The following CERS6 variants were observed in gnomAD, a reference collection of about 807,000 sequenced individuals.
CERS6 encodes the protein ceramide synthase 6, also known as LAG1 homolog, ceramide synthase 6.
A neutral mutation model predicts 56.8 loss-of-function variants in CERS6; 26 were observed. The observed-to-expected ratio is 0.46, with a 90% CI of 0.34 to 0.63. The LOEUF (loss-of-function observed/expected upper bound fraction) is 0.63. CERS6 is among the 30% of genes least tolerant of loss of function. The pLI is 0.01. For missense variants in CERS6, 415 were observed against 467.5 expected (o/e 0.89, Z 1.04); for synonymous variants, 164 against 173.3 (o/e 0.95, Z 0.42).
At chr2:168,620,902 A>C (rs565144179) in intron 3 of CERS6, among the ~76,000 whole-genome samples, 1 of 152,006 alleles carries the variant, frequency 6.6e-6, no homozygotes, top group African/African-American at 2.4e-5. Context: ...AGCTGGGATT[A>C]CAGGCACATG....
At chr2:168,659,015 T>G (rs571505627) in intron 4 of CERS6, among the ~76,000 whole-genome samples, 1 of 152,362 alleles carries the variant, frequency 6.6e-6, no homozygotes, top group South Asian at 2.1e-4. Flanking sequence ...AGTATCCTCT[T>G]TGTGAGGACT....
In CERS6 at chr2:168,759,249, TCATTCATTTGATGGGATGCC is replaced by T. The variant is rs779044173; in HGVS notation, c.846-6325_846-6306del. ...GAAAAAAGGTCAGACTGATGCCTCTTCATTCATTTGATGGGATGCCCATTCATTTGATGGGATTTTTAGAA... is the reference window on the plus strand; with the variant it reads ...GAAAAAAGGTCAGACTGATGCCTCTTCATTCATTTGATGGGATTTTTAGAA... On this transcript the variant is annotated intron_variant, in intron 8 of 9. Transcript: ENST00000305747. Among the ~76,000 whole-genome samples, 130 of 152,292 alleles carry T rather than the reference TCATTCATTTGATGGGATGCC, an allele frequency of 8.5e-4. 1 individual carries two copies. Among genetic ancestry groups the T allele is most frequent in the Non-Finnish European group, 1.6e-3 (107 of 68,024 alleles).
At chr2:168,492,830 G>A (rs749415247) in intron 1 of CERS6, among the ~76,000 whole-genome samples, 1 of 152,102 alleles carries the variant, frequency 6.6e-6, no homozygotes, top group Non-Finnish European at 1.5e-5. Flanking sequence ...AGTTTGTCCT[G>A]TCACAGTAAC....
At chr2:168,722,316 T>C (rs1169904172) in intron 8 of CERS6, among the ~76,000 whole-genome samples, 3 of 152,256 alleles carry the variant, frequency 2.0e-5, no homozygotes, top group Non-Finnish European at 2.9e-5. Flanking sequence ...ATTTTTTCTT[T>C]TGTCACTTGT....
intron 8 of CERS6, among the ~76,000 whole-genome samples, chr2:168,749,452 T>G (rs1684197190): frequency 6.6e-6 from 1 of 152,130 alleles, no homozygotes; most frequent in African/African-American, 2.4e-5. Flanking sequence ...TCTCAGCACT[T>G]CCAGGGAGCC....
At position 168,630,670 on chromosome 2, in the gene CERS6, A is replaced by T. The variant is rs148620535; in HGVS notation, c.408-315A>T. ...CAGATATTATACCTTCATATTACCA[A>T]ATCATATCCCTTCATGAGTGATAAA... On this transcript the variant is annotated intron_variant, in intron 3 of 9. Coordinates refer to ENST00000305747, the MANE Select transcript of CERS6 (RefSeq NM_203463.3). 1.3e-3 allele frequency among the ~76,000 whole-genome samples: 203 copies of T among 152,288 alleles called. 1 individual carries two copies. Among genetic ancestry groups the T allele is most frequent in the African/African-American group, 4.8e-3 (198 of 41,566 alleles).
intron 1 of CERS6, among the ~76,000 whole-genome samples, chr2:168,525,753 C>T (rs376652510): frequency 6.6e-6 from 1 of 152,206 alleles, no homozygotes; most frequent in Non-Finnish European, 1.5e-5. Flanking sequence ...CCTTTTCTTA[C>T]AATTATCACA....
At chr2:168,631,400 A>T (rs1212535069) in intron 4 of CERS6, among the ~76,000 whole-genome samples, 2 of 134,982 alleles carry the variant, frequency 1.5e-5, no homozygotes, top group Non-Finnish European at 3.1e-5. Flanking sequence ...ATTATATAAT[A>T]TATATTATAT....
chr2:168,599,769 G>T (rs1683888642), intron 3 of CERS6, among the ~76,000 whole-genome samples: 1 of 152,180 alleles, frequency 6.6e-6, no homozygotes, highest in Non-Finnish European at 1.5e-5. Context: ...TAAGAATATT[G>T]TCTTGAGCTT....
chr2:168,652,164 A>C (rs1292207720), intron 4 of CERS6, among the ~76,000 whole-genome samples: 1 of 152,108 alleles, frequency 6.6e-6, no homozygotes, highest in African/African-American at 2.4e-5. Context: ...TAATCAAATA[A>C]GCAAACTTAG....
At chr2:168,565,349 G>A (rs929775236) in intron 3 of CERS6, among the ~76,000 whole-genome samples, 2 of 152,182 alleles carry the variant, frequency 1.3e-5, no homozygotes, top group Admixed American at 6.5e-5. Context: ...CTCAGGTGGA[G>A]TCTGAACATG....
At chr2:168,529,445 A>G in intron 1 of CERS6, among the ~76,000 whole-genome samples, 1 of 152,214 alleles carries the variant, frequency 6.6e-6, no homozygotes, top group Non-Finnish European at 1.5e-5. Context: ...AACTCTGCAT[A>G]TAACCAAAAG....
intron 3 of CERS6, among the ~76,000 whole-genome samples, chr2:168,568,478 A>G (rs58167284): frequency 6.6e-6 from 1 of 152,260 alleles, no homozygotes; most frequent in Non-Finnish European, 1.5e-5. Flanking sequence ...TAGAGGATTT[A>G]TAAAAGTCTA....
At chr2:168,625,122 A>C (rs1322379518) in intron 3 of CERS6, among the ~76,000 whole-genome samples, 1 of 152,186 alleles carries the variant, frequency 6.6e-6, no homozygotes, top group Admixed American at 6.5e-5. Flanking sequence ...AAATTAGTTA[A>C]TCTTTTTATT....
At chr2:168,761,974 G>A (rs746106016) in intron 8 of CERS6, among the ~76,000 whole-genome samples, 1 of 152,080 alleles carries the variant, frequency 6.6e-6, no homozygotes, top group Non-Finnish European at 1.5e-5. Context: ...CAGGGACACA[G>A]GGAGGGGAAC....
At position 168,714,983 on chromosome 2, in the gene CERS6, G is replaced by A; in HGVS notation, c.610-18G>A. 2 of 1,597,024 alleles carry A rather than the reference G, an allele frequency of 1.3e-6. No individual in the cohort carries two copies. The highest frequency in any genetic ancestry group is 1.1e-5 in the South Asian group (1 of 87,276). On this transcript the variant is annotated intron_variant, in intron 6 of 9. Coordinates refer to ENST00000305747, the MANE Select transcript of CERS6 (RefSeq NM_203463.3). ...GATGTTGCTAAACTCTAATATGGAT[G>A]TTTCTTCTTTCCTCAAGGACTTTGG...
At chr2:168,681,153 G>C (rs75179893) in intron 4 of CERS6, among the ~76,000 whole-genome samples, 7,143 of 152,272 alleles carry the variant, frequency 0.047, 492 homozygotes, top group African/African-American at 0.15. Flanking sequence ...AAGTAGTAAG[G>C]AAGGGACTGA....
chr2:168,655,417 A>G (rs1192437712), intron 4 of CERS6, among the ~76,000 whole-genome samples: 1 of 152,232 alleles, frequency 6.6e-6, no homozygotes, highest in Admixed American at 6.5e-5. Context: ...CCTCATAAAG[A>G]TACCTGCACT....
In CERS6 at chr2:168,534,045, G is replaced by A. The variant is rs547920523; in HGVS notation, c.171-13551G>A. ...GTTGTGTATGCTTCACGAAGTTCTC[G>A]TGCTGTGTTTTTCAGCTCCATCAGG... On this transcript the variant is annotated intron_variant, in intron 1 of 9. Transcript: ENST00000305747. 2.6e-3 allele frequency among the ~76,000 whole-genome samples: 392 copies of A among 151,986 alleles called. 7 individuals are homozygous for A. The highest frequency in any genetic ancestry group is 8.9e-3 in the African/African-American group (371 of 41,458).
Sources: gnomAD v4.1 joint callset for allele counts (sites outside exome capture counted in the v4.1 genomes callset) on GRCh38, gnomAD v4.1.1 for gene constraint, MANE v1.5 for transcripts, NCBI Gene and HGNC (gene_info 2026-07-23, HGNC 2026-07-21) for gene names.